The following C4orf36 variants were observed in gnomAD, a reference collection of about 807,000 sequenced individuals.
C4orf36 encodes the protein chromosome 4 open reading frame 36, also known as uncharacterized protein C4orf36.
Under a neutral mutation model 12.2 loss-of-function variants are expected in C4orf36, and 11 were observed. That is an observed-to-expected ratio of 0.90 (90% CI 0.57 to 1.49). The LOEUF is 1.49. Among genes scored for constraint, C4orf36 ranks in the 40% most tolerant of loss-of-function variants. The pLI is 0.00. For synonymous variants in C4orf36, 54 were observed against 51.3 expected (o/e 1.05, Z -0.22); for missense variants, 137 against 133.9 (o/e 1.02, Z -0.11).
At position 86,888,251 on chromosome 4, in the gene C4orf36, C is replaced by A. The variant is rs750742587; in HGVS notation, c.90G>T (p.Leu30Phe). ...YNVQEPWDIA[L>F]LAKTWSTNLA... Reference sequence around the variant, plus strand: ...GGTTTGTGGACCAGGTCTTTGCAAGCAATGCAATATCCCAAGGTTCCTGTC... The same window carrying A: ...GGTTTGTGGACCAGGTCTTTGCAAGAAATGCAATATCCCAAGGTTCCTGTC... The change falls in exon 3 of 5, where the codon TTG becomes TTT. Residue 30 changes from leucine to phenylalanine, a missense_variant. By Grantham distance (22) the Leu-to-Phe change is conservative. Coordinates refer to ENST00000295898, the MANE Select transcript of C4orf36 (RefSeq NM_144645.4). 6.2e-7 allele frequency: 1 copy of A among 1,613,944 alleles called. No homozygotes were observed. Among genetic ancestry groups the A allele is most frequent in the South Asian group, 1.1e-5 (1 of 90,998 alleles).
chr4:86,903,170 ATG>A, the C4orf36 span, among the ~76,000 whole-genome samples: 33 of 152,336 alleles, frequency 2.2e-4, no homozygotes, highest in African/African-American at 7.5e-4. Context: ...CATTTCTTCC[ATG>A]AGGAAAGGGA....
the C4orf36 span, among the ~76,000 whole-genome samples, chr4:86,921,110 A>G: frequency 6.6e-6 from 1 of 151,172 alleles, no homozygotes; most frequent in African/African-American, 2.4e-5. Context: ...GGCTGTGGTG[A>G]GCCGAGATCA....
At chr4:86,926,761 A>G in the C4orf36 span, among the ~76,000 whole-genome samples, 6 of 152,134 alleles carry the variant, frequency 3.9e-5, no homozygotes, top group African/African-American at 7.2e-5. Context: ...ATACCGGGTC[A>G]TTCTCAGGGT....
At chr4:86,903,791 G>A in the C4orf36 span, among the ~76,000 whole-genome samples, 3 of 152,130 alleles carry the variant, frequency 2.0e-5, no homozygotes, top group Non-Finnish European at 4.4e-5. Flanking sequence ...TGATGGGTCC[G>A]TTTTGACAGG....
the C4orf36 span, among the ~76,000 whole-genome samples, chr4:86,928,176 G>C: frequency 1.3e-5 from 2 of 152,316 alleles, no homozygotes; most frequent in Admixed American, 6.5e-5. Context: ...GTTCAGTGGA[G>C]AAAATTTAAT....
Position 86,891,521 on chromosome 4 carries a change from G to A in C4orf36, c.-1C>T. 2 of 1,614,036 alleles carry A rather than the reference G, an allele frequency of 1.2e-6. No individual in the cohort carries two copies. The highest frequency in any genetic ancestry group is 8.5e-7 in the Non-Finnish European group (1 of 1,179,972). On this transcript the variant is annotated 5_prime_UTR_variant, in exon 2 of 5. Coordinates refer to ENST00000295898, the MANE Select transcript of C4orf36 (RefSeq NM_144645.4). Reference sequence around the variant, plus strand: ...TCTTTCTTGGCACTCCATACGCCATGGTGAGTTATTACGGTATGATTTCGT... The same window carrying A: ...TCTTTCTTGGCACTCCATACGCCATAGTGAGTTATTACGGTATGATTTCGT...
At chr4:86,928,099 G>A in the C4orf36 span, among the ~76,000 whole-genome samples, 3 of 152,186 alleles carry the variant, frequency 2.0e-5, no homozygotes, top group East Asian at 1.9e-4. Context: ...TTTCTGATTC[G>A]TAGCTATTTG....
At chr4:86,882,141 G>A (rs1747066843) in intron 4 of C4orf36, among the ~76,000 whole-genome samples, 1 of 152,132 alleles carries the variant, frequency 6.6e-6, no homozygotes, top group African/African-American at 2.4e-5. Context: ...ATTTCAATAT[G>A]TGCAGTTTTC....
chr4:86,877,504 T>C (rs1374477851), intron 4 of C4orf36, among the ~76,000 whole-genome samples: 1 of 152,232 alleles, frequency 6.6e-6, no homozygotes, highest in Non-Finnish European at 1.5e-5. Context: ...TGGAATTTTA[T>C]GAGGCAAATT....
chr4:86,893,201 G>A (rs369146713), upstream of C4orf36, among the ~76,000 whole-genome samples: 4 of 152,182 alleles, frequency 2.6e-5, no homozygotes, highest in East Asian at 7.7e-4. Context: ...TTGTGGAGCC[G>A]ACGAATGAGT....
chr4:86,912,755 T>C, the C4orf36 span, among the ~76,000 whole-genome samples: 1 of 152,202 alleles, frequency 6.6e-6, no homozygotes, highest in South Asian at 2.1e-4. Context: ...AGTGTATACA[T>C]ATAAATGTGT....
chr4:86,884,298 AAT>A (rs144695188), intron 4 of C4orf36, among the ~76,000 whole-genome samples: 63,495 of 124,662 alleles, frequency 0.51, 16,773 homozygotes, highest in South Asian at 0.7. Context: ...AAAAAGACTG[AAT>A]TTTTTTTTTT....
chr4:86,914,364 A>G, the C4orf36 span: 10 of 825,442 alleles, frequency 1.2e-5, no homozygotes, highest in African/African-American at 2.2e-4. Context: ...ATGAGCTTTC[A>G]CCCCCCGGCT....
At chr4:86,914,755 G>A in the C4orf36 span, 21 of 441,306 alleles carry the variant, frequency 4.8e-5, no homozygotes, top group South Asian at 3.8e-4. Flanking sequence ...GGCAATCTGG[G>A]TATGATCCCT....
intron 4 of C4orf36, among the ~76,000 whole-genome samples, chr4:86,879,079 GT>G (rs1296639570): frequency 2.0e-5 from 3 of 152,050 alleles, no homozygotes; most frequent in African/African-American, 7.2e-5. Flanking sequence ...GGGGGTTTTG[GT>G]TTTTTTGTTT....
the C4orf36 span, among the ~76,000 whole-genome samples, chr4:86,920,785 C>T: frequency 2.0e-5 from 3 of 152,196 alleles, no homozygotes; most frequent in Admixed American, 2.0e-4. Flanking sequence ...ATTACCTAAT[C>T]ACCTCTTAAA....
At chr4:86,916,276 G>A in the C4orf36 span, among the ~76,000 whole-genome samples, 4 of 150,666 alleles carry the variant, frequency 2.7e-5, no homozygotes, top group African/African-American at 2.4e-5. Flanking sequence ...CTACAAAGAC[G>A]TGTGTCTATG....
chr4:86,930,222 CTCT>C, the C4orf36 span, among the ~76,000 whole-genome samples: 5 of 152,208 alleles, frequency 3.3e-5, no homozygotes, highest in African/African-American at 9.7e-5. Flanking sequence ...TTTCCTTTTC[CTCT>C]TCTTATTTAG....
rs1578777575 is a variant in C4orf36 at position 86,887,751 on chromosome 4, A to G, written c.*2+7T>C. On this transcript the variant is annotated splice_region_variant and intron_variant, in intron 4 of 4. Coordinates refer to ENST00000295898, the MANE Select transcript of C4orf36 (RefSeq NM_144645.4). ...GACACAGAGTACAGATTCAATCATG[A>G]ACTGACTGTCATTTAGATGGAAGAG... 6.2e-7 allele frequency: 1 copy of G among 1,614,214 alleles called. No individual in the cohort carries two copies.
Sources: gnomAD v4.1 joint callset for allele counts (sites outside exome capture counted in the v4.1 genomes callset) on GRCh38, gnomAD v4.1.1 for gene constraint, MANE v1.5 for transcripts, NCBI Gene and HGNC (gene_info 2026-07-23, HGNC 2026-07-21) for gene names.